The following RAB3GAP1 variants were observed in gnomAD, a reference collection of about 807,000 sequenced individuals.
RAB3GAP1 encodes the protein rab3 GTPase-activating protein catalytic subunit.
RAB3GAP1 carries 86 observed loss-of-function variants against 130.7 expected under a neutral mutation model. The observed-to-expected ratio is 0.66, with a 90% CI of 0.55 to 0.79. The LOEUF (loss-of-function observed/expected upper bound fraction) is 0.79. Ranked by LOEUF, RAB3GAP1 falls within the 30% of genes least tolerant of loss-of-function variation. RAB3GAP1 has a pLI of 0.00. For synonymous variants in RAB3GAP1, 367 were observed against 401.7 expected (o/e 0.91, Z 1.03); for missense variants, 1,029 against 1,169.4 (o/e 0.88, Z 1.75).
At chr2:135,131,257 C>T (rs149472384) in intron 13 of RAB3GAP1, among the ~76,000 whole-genome samples, 1,524 of 152,250 alleles carry the variant, frequency 0.01, 23 homozygotes, top group African/African-American at 0.035. Flanking sequence ...GACGAAGTCT[C>T]GCTCTGTCAC....
At chr2:135,147,943 A>G (rs1692049515) in intron 17 of RAB3GAP1, among the ~76,000 whole-genome samples, 1 of 151,720 alleles carries the variant, frequency 6.6e-6, no homozygotes, top group Non-Finnish European at 1.5e-5. Context: ...TGAAATAAAA[A>G]TAATACTTTT....
intron 3 of RAB3GAP1, among the ~76,000 whole-genome samples, chr2:135,071,581 T>C (rs1018646010): frequency 6.6e-6 from 1 of 150,512 alleles, no homozygotes; most frequent in Non-Finnish European, 1.5e-5. Context: ...TACAAAGATA[T>C]GTTGCAAGGG....
chr2:135,112,832 T>A lies in RAB3GAP1; in HGVS notation c.363-319T>A, dbSNP rs112318152. On this transcript the variant is annotated intron_variant, in intron 5 of 23. Coordinates refer to ENST00000264158, the MANE Select transcript of RAB3GAP1 (RefSeq NM_012233.3). ...CTGTCAAAGTCTCTCTCTCTCTCTC[T>A]CTCACACACACACACACACACACAC... Among the ~76,000 whole-genome samples, 719 of 115,866 alleles carry A rather than the reference T, an allele frequency of 6.2e-3. 4 individuals carry two copies. The highest frequency in any genetic ancestry group is 0.027 in the African/African-American group (548 of 20,248). The allele number at this position is 115,866 out of a possible 152,430, so 76.0% of individuals were successfully genotyped here.
chr2:135,122,284 T>C (rs1691228086), intron 8 of RAB3GAP1, among the ~76,000 whole-genome samples: 1 of 152,218 alleles, frequency 6.6e-6, no homozygotes, highest in Admixed American at 6.5e-5. Context: ...CTCAAATGTT[T>C]GTGTTGGTAG....
intron 5 of RAB3GAP1, among the ~76,000 whole-genome samples, chr2:135,110,722 ACAGTTG>A (rs1190599583): frequency 6.6e-6 from 1 of 152,230 alleles, no homozygotes; most frequent in Admixed American, 6.5e-5. Context: ...ATGTAGAAAA[ACAGTTG>A]CAGTATTGTT....
chr2:135,117,138 T>C (rs929439610), intron 7 of RAB3GAP1, among the ~76,000 whole-genome samples: 2 of 152,176 alleles, frequency 1.3e-5, no homozygotes, highest in Non-Finnish European at 2.9e-5. Flanking sequence ...CTGTTAGCAG[T>C]GGCTTGTGAT....
intron 3 of RAB3GAP1, among the ~76,000 whole-genome samples, chr2:135,070,414 A>G (rs1024153638): frequency 6.6e-6 from 1 of 152,232 alleles, no homozygotes; most frequent in African/African-American, 2.4e-5. Flanking sequence ...GGACTTTACC[A>G]TGGTATATAA....
intron 19 of RAB3GAP1, among the ~76,000 whole-genome samples, chr2:135,160,239 C>T (rs1692427648): frequency 6.6e-6 from 1 of 152,048 alleles, no homozygotes. Context: ...GAAGAGGAAA[C>T]TATACTCAAA....
intron 17 of RAB3GAP1, among the ~76,000 whole-genome samples, chr2:135,140,264 A>G (rs1691801393): frequency 6.6e-6 from 1 of 152,236 alleles, no homozygotes; most frequent in Admixed American, 6.5e-5. Flanking sequence ...TCCTAAGAGT[A>G]GAGTTATTGG....
chr2:135,106,631 C>T (rs916456847), intron 5 of RAB3GAP1, among the ~76,000 whole-genome samples: 2 of 152,026 alleles, frequency 1.3e-5, no homozygotes, highest in Admixed American at 1.3e-4. Flanking sequence ...GCCGCAGGGT[C>T]CTCTGCCTAG....
chr2:135,140,321 AGTCT>A lies in RAB3GAP1; in HGVS notation c.1923+4394_1923+4397del, dbSNP rs577666155. On this transcript the variant is annotated intron_variant, in intron 17 of 23. Coordinates refer to ENST00000264158, the MANE Select transcript of RAB3GAP1 (RefSeq NM_012233.3). Reference sequence around the variant, plus strand: ...TTGGCTTTAGTAGATCTATCTAAATAGTCTGTCTAAGTGGTTGAACTAGTTAACC... The same window carrying A: ...TTGGCTTTAGTAGATCTATCTAAATAGTCTAAGTGGTTGAACTAGTTAACC... Among the ~76,000 whole-genome samples the A allele has an allele frequency of 9.2e-5, 14 of 152,330 alleles. No individual in the cohort carries two copies. In the East Asian group the frequency reaches 1.9e-3, roughly 21 times the overall value.
intron 5 of RAB3GAP1, among the ~76,000 whole-genome samples, chr2:135,094,093 G>T (rs1690224034): frequency 6.6e-6 from 1 of 152,202 alleles, no homozygotes; most frequent in Admixed American, 6.5e-5. Flanking sequence ...AAGGAAAGCA[G>T]GTGTTCGGCA....
chr2:135,126,680 C>T (rs1459088485), intron 11 of RAB3GAP1, 24 bp downstream of exon 11: 1 of 1,562,620 alleles, frequency 6.4e-7, no homozygotes, highest in South Asian at 1.1e-5. Flanking sequence ...TGCTCCTTTC[C>T]TGAAATACTG....
intron 5 of RAB3GAP1, among the ~76,000 whole-genome samples, chr2:135,104,750 G>A (rs962668187): frequency 6.6e-6 from 1 of 151,324 alleles, no homozygotes; most frequent in Admixed American, 6.6e-5. Context: ...TTAGCTGGGT[G>A]TGGTGGTATG....
chr2:135,067,353 A>G (rs181725353), intron 3 of RAB3GAP1, among the ~76,000 whole-genome samples: 26 of 152,336 alleles, frequency 1.7e-4, no homozygotes, highest in Admixed American at 4.6e-4. Context: ...GGAATGGGAC[A>G]TGTAAGATAA....
At chr2:135,142,271 C>T (rs1223631825) in intron 17 of RAB3GAP1, among the ~76,000 whole-genome samples, 1 of 151,884 alleles carries the variant, frequency 6.6e-6, no homozygotes, top group African/African-American at 2.4e-5. Context: ...GATATATTTC[C>T]AAGGTATTTG....
downstream of RAB3GAP1, among the ~76,000 whole-genome samples, chr2:135,172,432 C>T (rs1257218915): frequency 1.4e-5 from 2 of 139,968 alleles, no homozygotes; most frequent in South Asian, 2.8e-4. Context: ...GAGACTCTGT[C>T]TCAAAAAAAA....
chr2:135,132,130 A>G (rs889623844), intron 13 of RAB3GAP1, among the ~76,000 whole-genome samples: 2 of 152,246 alleles, frequency 1.3e-5, no homozygotes, highest in African/African-American at 4.8e-5. Flanking sequence ...TCTATTGGAC[A>G]TGTTCTATAA....
rs377435953 is a variant in RAB3GAP1 at position 135,070,248 on chromosome 2, C to T, written c.150+12162C>T. On this transcript the variant is annotated intron_variant, in intron 3 of 23. Transcript: ENST00000264158. ...CCCAAGGCAACTTGGAAATGTGTCC[C>T]GGGCTGCAGTCCTCAACTTTGGCCC... 2.7e-4 allele frequency among the ~76,000 whole-genome samples: 41 copies of T among 152,292 alleles called. No homozygotes were observed. The South Asian group carries it at 7.7e-3, about 28-fold the overall frequency.
Sources: gnomAD v4.1 joint callset for allele counts (sites outside exome capture counted in the v4.1 genomes callset) on GRCh38, gnomAD v4.1.1 for gene constraint, MANE v1.5 for transcripts, NCBI Gene and HGNC (gene_info 2026-07-23, HGNC 2026-07-21) for gene names.